The following ITGA9 variants were observed in gnomAD, a reference collection of about 807,000 sequenced individuals.
ITGA9 encodes integrin subunit alpha 9, also known as integrin alpha-9.
Under a neutral mutation model 127.8 loss-of-function variants are expected in ITGA9, and 56 were observed. The ratio of observed to expected loss-of-function variants is 0.44; its 90% confidence interval spans 0.35 to 0.55. ITGA9 has a LOEUF of 0.55. Among genes scored for constraint, ITGA9 ranks in the 20% least tolerant of loss-of-function variants. The probability of loss-of-function intolerance (pLI) is 0.00; values close to 1 mark genes in which losing one functional copy is unlikely to be tolerated. For missense variants in ITGA9, 1,196 were observed against 1,347.1 expected (o/e 0.89, Z 1.76); for synonymous variants, 508 against 514.5 (o/e 0.99, Z 0.17).
At chr3:37,515,563 C>A (rs1482201946) in intron 9 of ITGA9, among the ~76,000 whole-genome samples, 2 of 152,234 alleles carry the variant, frequency 1.3e-5, no homozygotes, top group South Asian at 4.2e-4. Flanking sequence ...CATGGTGAAA[C>A]CCTGTCTCTA....
intron 15 of ITGA9, among the ~76,000 whole-genome samples, chr3:37,566,648 A>G (rs1699550399): frequency 6.6e-6 from 1 of 152,252 alleles, no homozygotes; most frequent in African/African-American, 2.4e-5. Flanking sequence ...AGTCTTCAGC[A>G]GAGCTTGGCT....
At chr3:37,683,383 C>T (rs1239013398) in intron 17 of ITGA9, among the ~76,000 whole-genome samples, 2 of 152,206 alleles carry the variant, frequency 1.3e-5, no homozygotes, top group Non-Finnish European at 2.9e-5. Flanking sequence ...CTTCCTTACC[C>T]TTTGTAAGTT....
intron 9 of ITGA9, among the ~76,000 whole-genome samples, chr3:37,514,177 A>C (rs1352334135): frequency 6.6e-6 from 1 of 152,210 alleles, no homozygotes; most frequent in Non-Finnish European, 1.5e-5. Flanking sequence ...GCTTTCTGCG[A>C]GAGATTTCTA....
intron 15 of ITGA9, among the ~76,000 whole-genome samples, chr3:37,587,721 C>T (rs1699772177): frequency 6.6e-6 from 1 of 152,200 alleles, no homozygotes; most frequent in Non-Finnish European, 1.5e-5. Flanking sequence ...ATGTGTTGAG[C>T]AGTTTCCAAT....
At chr3:37,586,892 C>A (rs752584590) in intron 15 of ITGA9, among the ~76,000 whole-genome samples, 1 of 152,164 alleles carries the variant, frequency 6.6e-6, no homozygotes, top group Non-Finnish European at 1.5e-5. Flanking sequence ...TTCTTCCTTT[C>A]CATCCCAAAT....
chr3:37,547,485 T>A (rs1429654098), intron 15 of ITGA9, among the ~76,000 whole-genome samples: 2 of 152,198 alleles, frequency 1.3e-5, no homozygotes, highest in Non-Finnish European at 2.9e-5. Flanking sequence ...GGACCATGGC[T>A]TCAATCACAT....
rs187043292 is a variant in ITGA9 at position 37,676,169 on chromosome 3, A to G, written c.1917-7696A>G. Reference sequence around the variant, plus strand: ...ATCAACCATATTATATCGTAAGTAAAGTAAAACTGGTGAAACAAATTTAAT... The same window carrying G: ...ATCAACCATATTATATCGTAAGTAAGGTAAAACTGGTGAAACAAATTTAAT... On this transcript the variant is annotated intron_variant, in intron 17 of 27. Transcript: ENST00000264741. Among the ~76,000 whole-genome samples the G allele has an allele frequency of 1.4e-3, 215 of 152,378 alleles. 2 individuals carry two copies. The highest frequency in any genetic ancestry group is 5.0e-3 in the African/African-American group (210 of 41,596).
At chr3:37,471,181 T>C (rs757117637) in intron 2 of ITGA9, 47 bp downstream of exon 2, 1 of 1,607,222 alleles carries the variant, frequency 6.2e-7, no homozygotes, top group South Asian at 1.1e-5. Flanking sequence ...TGTACCCTTA[T>C]ACCTTGCTCT....
intron 17 of ITGA9, among the ~76,000 whole-genome samples, chr3:37,664,671 G>T (rs1700568553): frequency 6.6e-6 from 1 of 151,594 alleles, no homozygotes. Flanking sequence ...CAAAATGTTG[G>T]GATTACAGGC....
At chr3:37,580,455 A>C (rs1443037666) in intron 15 of ITGA9, among the ~76,000 whole-genome samples, 2 of 152,180 alleles carry the variant, frequency 1.3e-5, no homozygotes, top group Non-Finnish European at 2.9e-5. Context: ...TTGTCCGCTA[A>C]GTCTTGGGAG....
chr3:37,683,978 T>C lies in ITGA9; in HGVS notation c.2030T>C (p.Val677Ala). The C allele has an allele frequency of 6.2e-7, 1 of 1,613,970 alleles. No homozygotes were observed. Among genetic ancestry groups the C allele is most frequent in the Non-Finnish European group, 8.5e-7 (1 of 1,179,970 alleles). ...TATGATGCCAACGTGTCCTTCAATG[T>C]TTCCCGGGAGCTCTTCTTCATCAAC... is the stretch of plus-strand genomic sequence containing the variant. ...DAYDANVSFN[V>A]SRELFFINMW... The change falls in exon 18 of 28, where the codon GTT becomes GCT. Residue 677 changes from valine (V) to alanine (A), a missense_variant. By Grantham distance (64) the Val-to-Ala change is moderately conservative. Coordinates refer to ENST00000264741, the MANE Select transcript of ITGA9 (RefSeq NM_002207.3).
chr3:37,523,863 G>A (rs140643829), intron 12 of ITGA9, among the ~76,000 whole-genome samples: 16 of 152,186 alleles, frequency 1.1e-4, no homozygotes, highest in East Asian at 9.6e-4. Context: ...TTTCTGGGGC[G>A]GTAATTCTAA....
chr3:37,816,283 A>G (rs954914007), intron 27 of ITGA9, among the ~76,000 whole-genome samples: 1 of 152,202 alleles, frequency 6.6e-6, no homozygotes, highest in African/African-American at 2.4e-5. Flanking sequence ...ATAAGGGGGC[A>G]GACTGTTAAG....
intron 15 of ITGA9, among the ~76,000 whole-genome samples, chr3:37,581,895 A>G (rs1462608252): frequency 1.3e-5 from 2 of 152,348 alleles, no homozygotes; most frequent in African/African-American, 4.8e-5. Context: ...TACATCTGGT[A>G]GGAGGTGTTC....
intron 14 of ITGA9, among the ~76,000 whole-genome samples, chr3:37,536,483 A>C (rs1177417557): frequency 6.6e-6 from 1 of 152,264 alleles, no homozygotes; most frequent in African/African-American, 2.4e-5. Flanking sequence ...TGCTGTCTTC[A>C]GCTACATGAC....
intron 18 of ITGA9, among the ~76,000 whole-genome samples, chr3:37,686,972 G>A (rs1700788446): frequency 6.6e-6 from 1 of 152,156 alleles, no homozygotes; most frequent in South Asian, 2.1e-4. Flanking sequence ...CAACCCACAG[G>A]CCTAACAGGA....
At chr3:37,600,795 C>T (rs1699915847) in intron 15 of ITGA9, among the ~76,000 whole-genome samples, 1 of 152,186 alleles carries the variant, frequency 6.6e-6, no homozygotes, top group South Asian at 2.1e-4. Context: ...CATCGGTATG[C>T]ACCCCTTCCT....
chr3:37,518,771 C>CTTT lies in ITGA9; in HGVS notation c.1142-460_1142-458dup, dbSNP rs543297344. ...GTCAGCTTCTATAGTTTTCACTGTA[C>CTTT]TTTTTTTTTTTTTTTTTTTTTTTTT... On this transcript the variant is annotated intron_variant, in intron 10 of 27. Transcript: ENST00000264741. Among the ~76,000 whole-genome samples the CTTT allele has an allele frequency of 2.9e-3, 127 of 43,514 alleles. 41 individuals are homozygous for CTTT. The highest frequency in any genetic ancestry group is 3.5e-3 in the African/African-American group (38 of 10,722). The allele number at this position is 43,514 out of a possible 152,430, so 28.5% of individuals were successfully genotyped here. A position where few individuals can be genotyped will look rare whatever the true frequency, so the allele number is the denominator to read the frequency against.
At chr3:37,774,568 A>C (rs1056739485) in intron 23 of ITGA9, among the ~76,000 whole-genome samples, 1 of 151,780 alleles carries the variant, frequency 6.6e-6, no homozygotes, top group Non-Finnish European at 1.5e-5. Flanking sequence ...AAAACAAAAC[A>C]AAACAAAAAC....
Sources: allele counts gnomAD v4.1 joint callset (sites outside exome capture counted in the v4.1 genomes callset), GRCh38; gene constraint gnomAD v4.1.1; transcripts MANE v1.5; gene names NCBI Gene and HGNC (gene_info 2026-07-23, HGNC 2026-07-21).